Variants in GABPB1 observed in about 807,000 individuals in gnomAD.
GABPB1 encodes the protein GA binding protein transcription factor subunit beta 1.
In GABPB1, 15 loss-of-function variants were observed where a neutral mutation model predicts 45.9. That is an observed-to-expected ratio of 0.33 (90% CI 0.22 to 0.50). The LOEUF is 0.50. Ranked by LOEUF, GABPB1 falls within the 20% of genes least tolerant of loss-of-function variation. The pLI is 0.98. For synonymous variants in GABPB1, 143 were observed against 154.4 expected, an observed-to-expected ratio of 0.93 and a Z score of 0.55; for missense variants, 252 against 457.5, an observed-to-expected ratio of 0.55 and a Z score of 4.10.
intron 1 of GABPB1, chr15:50,354,627 G>A (rs1394891582): frequency 4.5e-6 from 2 of 440,498 alleles, no homozygotes; most frequent in African/African-American, 2.1e-5. Context: ...GCCTCGGCGC[G>A]ACCCCATCGC....
At chr15:50,348,057 G>A (rs116073366) in intron 1 of GABPB1, among the ~76,000 whole-genome samples, 816 of 57,710 alleles carry the variant, frequency 0.014, 3 homozygotes, top group Middle Eastern at 0.038. Context: ...AAAAAAAAAA[G>A]AATCACTACT....
chr15:50,302,227 C>T lies in GABPB1; in HGVS notation c.471+702G>A, dbSNP rs142606659. Among the ~76,000 whole-genome samples the T allele has an allele frequency of 2.5e-3, 387 of 152,258 alleles. 5 individuals are homozygous for T. In the East Asian group the frequency reaches 0.051, roughly 20 times the overall value. On this transcript the variant is annotated intron_variant, in intron 4 of 8. Transcript: ENST00000380877. The stretch of plus-strand genomic sequence containing the variant: ...AAGATAAAAGAAACAAATCAAACTG[C>T]ATCACTCACTCAAGGAATGATATTA...
Position 50,278,801 on chromosome 15 carries a change from G to C in GABPB1, c.1000-17C>G. Reference sequence around the variant, plus strand: ...TTCTCTCTCCTAATTAAAAGAAGAGGGTTTTTTTTTTAATTTTTGCAAAAA... The same window carrying C: ...TTCTCTCTCCTAATTAAAAGAAGAGCGTTTTTTTTTTAATTTTTGCAAAAA... On this transcript the variant is annotated splice_polypyrimidine_tract_variant and intron_variant, in intron 8 of 8. Transcript: ENST00000380877. 1 of 1,494,002 alleles carries C rather than the reference G, an allele frequency of 6.7e-7. No individual in the cohort carries two copies. Among genetic ancestry groups the C allele is most frequent in the Admixed American group, 2.5e-5 (1 of 40,314 alleles). The allele number at this position is 1,494,002 out of a possible 1,614,324, so 92.5% of individuals were successfully genotyped here. A position where few individuals can be genotyped will look rare whatever the true frequency, so the allele number is the denominator to read the frequency against.
intron 6 of GABPB1, 111 bp from the exon 7 acceptor site, chr15:50,289,779 C>CTTTTAT: frequency 1.4e-6 from 1 of 737,216 alleles, no homozygotes; most frequent in South Asian, 2.0e-5. Flanking sequence ...TTTCTTTTTT[C>CTTTTAT]TTTTTTAAAT....
At chr15:50,303,831 A>C in intron 3 of GABPB1, 135 bp downstream of exon 3, 1 of 536,790 alleles carries the variant, frequency 1.9e-6, no homozygotes, top group Non-Finnish European at 3.1e-6. Context: ...ATTTTCATTT[A>C]ATGGGCTTAT....
chr15:50,348,297 C>G (rs1463933903), intron 1 of GABPB1, among the ~76,000 whole-genome samples: 1 of 152,120 alleles, frequency 6.6e-6, no homozygotes, highest in Non-Finnish European at 1.5e-5. Context: ...CTCTGTCACC[C>G]AGGCTGCAGT....
chr15:50,354,507 G>C lies in GABPB1; in HGVS notation c.-1+478C>G, dbSNP rs774736676. ...TCCGGAGAGCCCGGCGGGGCCGTCA[G>C]GCTGCCGAGACAAAGGGTACCGCGG... On this transcript the variant is annotated intron_variant, in intron 1 of 8. Transcript: ENST00000380877. 16 of 449,384 alleles carry C rather than the reference G, an allele frequency of 3.6e-5. 1 individual carries two copies. The highest frequency in any genetic ancestry group is 2.2e-4 in the South Asian group (14 of 63,908). The allele number at this position is 449,384 out of a possible 1,614,324, so 27.8% of individuals were successfully genotyped here. A position where few individuals can be genotyped will look rare whatever the true frequency, so the allele number is the denominator to read the frequency against.
chr15:50,346,876 C>T (rs1001016555), intron 1 of GABPB1, among the ~76,000 whole-genome samples: 1 of 151,106 alleles, frequency 6.6e-6, no homozygotes, highest in African/African-American at 2.4e-5. Context: ...CAACCTCCGC[C>T]CCCCCCAGGT....
At chr15:50,328,675 G>A (rs1275133953) in intron 1 of GABPB1, among the ~76,000 whole-genome samples, 1 of 152,154 alleles carries the variant, frequency 6.6e-6, no homozygotes, top group African/African-American at 2.4e-5. Context: ...AGGCCAACTA[G>A]AAATCTGTGG....
chr15:50,298,432 A>T (rs984605622), intron 6 of GABPB1, among the ~76,000 whole-genome samples: 2 of 152,230 alleles, frequency 1.3e-5, no homozygotes, highest in Non-Finnish European at 2.9e-5. Flanking sequence ...AAGTTTAACC[A>T]AATAGAAACC....
At chr15:50,334,961 C>T (rs773789267) in intron 1 of GABPB1, among the ~76,000 whole-genome samples, 20 of 152,088 alleles carry the variant, frequency 1.3e-4, no homozygotes, top group Non-Finnish European at 2.8e-4. Flanking sequence ...CTTGTCTCCT[C>T]GTACGTCTAG....
At chr15:50,318,211 A>G (rs965989496) in intron 1 of GABPB1, among the ~76,000 whole-genome samples, 1 of 152,190 alleles carries the variant, frequency 6.6e-6, no homozygotes, top group African/African-American at 2.4e-5. Context: ...ACTAGTTTTG[A>G]TCTTAAAATC....
intron 1 of GABPB1, among the ~76,000 whole-genome samples, chr15:50,323,838 C>T (rs772946220): frequency 5.3e-5 from 8 of 152,076 alleles, no homozygotes; most frequent in Non-Finnish European, 1.0e-4. Context: ...TGCCACTGCA[C>T]TCCAGCCTGG....
chr15:50,344,376 G>A (rs1031040978), intron 1 of GABPB1, among the ~76,000 whole-genome samples: 1 of 152,168 alleles, frequency 6.6e-6, no homozygotes, highest in Admixed American at 6.5e-5. Context: ...AATAGACAGT[G>A]CAAAGGTCAA....
At chr15:50,282,666 A>G (rs546737625) in intron 8 of GABPB1, among the ~76,000 whole-genome samples, 2 of 152,274 alleles carry the variant, frequency 1.3e-5, no homozygotes, top group East Asian at 1.9e-4. Context: ...TTTGCATCAA[A>G]TAAAACATTT....
intron 1 of GABPB1, among the ~76,000 whole-genome samples, chr15:50,323,604 G>A (rs2047650057): frequency 6.6e-6 from 1 of 152,168 alleles, no homozygotes; most frequent in Non-Finnish European, 1.5e-5. Flanking sequence ...AGGCACAGTT[G>A]CTTCCAGTAT....
chr15:50,327,087 G>A (rs1311312217), intron 1 of GABPB1: 1 of 152,018 alleles, frequency 6.6e-6, no homozygotes, highest in Non-Finnish European at 1.5e-5. Context: ...GGAAAAAAAT[G>A]GAGGCTTGAA....
chr15:50,283,085 T>C (rs891762609), intron 8 of GABPB1, among the ~76,000 whole-genome samples: 12 of 152,228 alleles, frequency 7.9e-5, no homozygotes, highest in Middle Eastern at 3.4e-3. Flanking sequence ...TAAACATTTA[T>C]CTCTAACCTC....
intron 1 of GABPB1, chr15:50,314,555 C>G (rs11638319): frequency 0.65 from 99,157 of 152,104 alleles, 33,672 homozygotes; most frequent in African/African-American, 0.83. Flanking sequence ...CTGCCCCCTT[C>G]AGGGCCCTTT....
Sources: gnomAD v4.1 joint callset for allele counts (sites outside exome capture counted in the v4.1 genomes callset) on GRCh38, gnomAD v4.1.1 for gene constraint, MANE v1.5 for transcripts, NCBI Gene and HGNC (gene_info 2026-07-23, HGNC 2026-07-21) for gene names.